Variants in GRAMD1B observed in about 807,000 individuals in gnomAD.
GRAMD1B encodes protein Aster-B.
GRAMD1B carries 37 observed loss-of-function variants against 99.7 expected under a neutral mutation model. That is an observed-to-expected ratio of 0.37 (90% CI 0.29 to 0.49). The LOEUF is 0.49. GRAMD1B is among the 20% of genes least tolerant of loss of function. The pLI, the probability that GRAMD1B is intolerant of heterozygous loss-of-function variation, is 0.98. For synonymous variants in GRAMD1B, 427 were observed against 387.6 expected, an observed-to-expected ratio of 1.10 and a Z score of -1.19; for missense variants, 888 against 1,009.2, an observed-to-expected ratio of 0.88 and a Z score of 1.63.
chr11:123,486,108 T>A (rs1334390022), intron 2 of GRAMD1B, among the ~76,000 whole-genome samples: 1 of 152,232 alleles, frequency 6.6e-6, no homozygotes, highest in Non-Finnish European at 1.5e-5. Flanking sequence ...CATTGGATTT[T>A]CTTGTAAAGA....
chr11:123,541,633 A>G (rs894769064), intron 2 of GRAMD1B, among the ~76,000 whole-genome samples: 1 of 151,626 alleles, frequency 6.6e-6, no homozygotes, highest in African/African-American at 2.4e-5. Flanking sequence ...ACCTTTGGTA[A>G]TACATGTTGC....
intron 1 of GRAMD1B, among the ~76,000 whole-genome samples, chr11:123,417,356 G>C (rs889708636): frequency 3.3e-5 from 5 of 152,186 alleles, no homozygotes; most frequent in Non-Finnish European, 7.3e-5. Context: ...CTGGCTGACA[G>C]AGTGAGACTC....
At chr11:123,448,035 A>T (rs1949716099) in intron 1 of GRAMD1B, among the ~76,000 whole-genome samples, 2 of 104,774 alleles carry the variant, frequency 1.9e-5, no homozygotes, top group Middle Eastern at 4.7e-3. Flanking sequence ...TATGTATTTA[A>T]AAAAAAAGAG....
At chr11:123,536,588 T>C (rs1175114624) in intron 2 of GRAMD1B, among the ~76,000 whole-genome samples, 1 of 152,176 alleles carries the variant, frequency 6.6e-6, no homozygotes, top group Non-Finnish European at 1.5e-5. Context: ...TTTTTTGTTT[T>C]ATATTTAGCA....
intron 1 of GRAMD1B, among the ~76,000 whole-genome samples, chr11:123,444,645 C>G (rs2134297890): frequency 6.6e-6 from 1 of 151,988 alleles, no homozygotes; most frequent in African/African-American, 2.4e-5. Flanking sequence ...ATTCAGTCAG[C>G]TGGGGGTTTT....
chr11:123,597,256 C>CT (rs71060518), intron 7 of GRAMD1B, among the ~76,000 whole-genome samples: 2,301 of 76,382 alleles, frequency 0.03, 228 homozygotes, highest in African/African-American at 0.06. Context: ...GCCACTATGC[C>CT]TTTTTTTTTT....
chr11:123,542,087 T>C (rs1944593742), intron 2 of GRAMD1B, among the ~76,000 whole-genome samples: 1 of 152,236 alleles, frequency 6.6e-6, no homozygotes, highest in South Asian at 2.1e-4. Flanking sequence ...CTTTATTTTA[T>C]GCCAGCTATG....
At chr11:123,441,421 G>T (rs781646429) in intron 1 of GRAMD1B, among the ~76,000 whole-genome samples, 1 of 152,122 alleles carries the variant, frequency 6.6e-6, no homozygotes, top group South Asian at 2.1e-4. Flanking sequence ...GAGGATTGCC[G>T]CTTGAGCCGA....
chr11:123,526,798 T>C (rs1347672648), intron 2 of GRAMD1B, among the ~76,000 whole-genome samples: 1 of 152,200 alleles, frequency 6.6e-6, no homozygotes, highest in Non-Finnish European at 1.5e-5. Flanking sequence ...TAAAGGCATC[T>C]CTCGCTTGGG....
chr11:123,610,041 G>A lies in GRAMD1B; in HGVS notation c.1776+128G>A. The A allele has an allele frequency of 2.4e-6, 2 of 845,336 alleles. No individual in the cohort carries two copies. The highest frequency in any genetic ancestry group is 3.8e-6 in the Non-Finnish European group (2 of 519,890). 52.4% of individuals were successfully genotyped at this position (845,336 alleles called of 1,614,324 possible). A position where few individuals can be genotyped will look rare whatever the true frequency, so the allele number is the denominator to read the frequency against. On this transcript the variant is annotated intron_variant, in intron 13 of 19. Transcript: ENST00000635736. The surrounding 1 kb of genome is among the most constrained non-coding windows in gnomAD (Gnocchi z 4.1). The stretch of plus-strand genomic sequence containing the variant: ...GTCATTTTGCCCCAAAGCGGTGGTG[G>A]CGTCTTGCTTGTTTAGTTGCTGCTG...
At chr11:123,620,504 G>C (rs980101619) in intron 19 of GRAMD1B, among the ~76,000 whole-genome samples, 3 of 126,822 alleles carry the variant, frequency 2.4e-5, no homozygotes, top group African/African-American at 8.6e-5. Context: ...AAAGGGAAAA[G>C]AATCTTAATG....
intron 1 of GRAMD1B, among the ~76,000 whole-genome samples, chr11:123,396,518 C>A (rs149061063): frequency 6.6e-6 from 1 of 152,074 alleles, no homozygotes; most frequent in Non-Finnish European, 1.5e-5. Flanking sequence ...TCAGGGGATC[C>A]GCCCGCCTCA....
intron 1 of GRAMD1B, chr11:123,454,858 T>C (rs779944399): frequency 6.6e-6 from 1 of 152,322 alleles, no homozygotes; most frequent in Non-Finnish European, 1.5e-5. Flanking sequence ...CTCTGAGAGA[T>C]AGGAGACATA....
At chr11:123,385,215 C>G (rs1444602860) in intron 1 of GRAMD1B, among the ~76,000 whole-genome samples, 1 of 152,146 alleles carries the variant, frequency 6.6e-6, no homozygotes, top group African/African-American at 2.4e-5. Context: ...TTTCCTTCCC[C>G]CAGTCCAATC....
intron 2 of GRAMD1B, among the ~76,000 whole-genome samples, chr11:123,540,453 A>G (rs1279087041): frequency 4.6e-5 from 7 of 152,188 alleles, no homozygotes; most frequent in Non-Finnish European, 1.0e-4. Flanking sequence ...GTGCTCAAAA[A>G]GTATTTGCTG....
chr11:123,511,667 T>C (rs1418245266), intron 2 of GRAMD1B, among the ~76,000 whole-genome samples: 1 of 152,150 alleles, frequency 6.6e-6, no homozygotes, highest in Non-Finnish European at 1.5e-5. Flanking sequence ...CAGGGTCTCC[T>C]TTCTCTCAGA....
At chr11:123,537,096 A>G (rs776050980) in intron 2 of GRAMD1B, among the ~76,000 whole-genome samples, 1 of 152,034 alleles carries the variant, frequency 6.6e-6, no homozygotes, top group East Asian at 1.9e-4. Context: ...ACATTTCTTG[A>G]GTATCTACTG....
At chr11:123,374,555 A>G (rs1222424655) in intron 1 of GRAMD1B, among the ~76,000 whole-genome samples, 1 of 152,232 alleles carries the variant, frequency 6.6e-6, no homozygotes, top group Non-Finnish European at 1.5e-5. Flanking sequence ...CAGCCTTGGC[A>G]TCCTTGAGAT....
chr11:123,417,293 A>C (rs193117035), intron 1 of GRAMD1B, among the ~76,000 whole-genome samples: 10 of 152,302 alleles, frequency 6.6e-5, no homozygotes, highest in African/African-American at 2.4e-4. Context: ...GAATCACTTT[A>C]ACCTGGGAGG....
Sources: allele counts gnomAD v4.1 joint callset (sites outside exome capture counted in the v4.1 genomes callset), GRCh38; gene constraint gnomAD v4.1.1; non-coding constraint Gnocchi (gnomAD v3.1); transcripts MANE v1.5; gene names NCBI Gene and HGNC (gene_info 2026-07-23, HGNC 2026-07-21).